GRM7: variants seen among roughly 807,000 people sequenced by gnomAD.
The protein encoded by GRM7 is glutamate metabotropic receptor 7.
Under a neutral mutation model 84.5 loss-of-function variants are expected in GRM7, and 35 were observed. That is an observed-to-expected ratio of 0.41 (90% CI 0.32 to 0.55). GRM7 has a LOEUF of 0.55. Ranked by LOEUF, GRM7 falls within the 20% of genes least tolerant of loss-of-function variation. The pLI is 0.19. For missense variants in GRM7, 1,003 were observed against 1,194.6 expected (o/e 0.84, Z 2.36); for synonymous variants, 487 against 455.1 (o/e 1.07, Z -0.89).
At chr3:7,170,291 C>G (rs1352037762) in intron 2 of GRM7, among the ~76,000 whole-genome samples, 1 of 152,144 alleles carries the variant, frequency 6.6e-6, no homozygotes, top group African/African-American at 2.4e-5. Context: ...ATCGTGGAGG[C>G]CAGTTTTCCA....
At chr3:7,097,537 T>C (rs138726854) in intron 1 of GRM7, among the ~76,000 whole-genome samples, 11 of 152,230 alleles carry the variant, frequency 7.2e-5, no homozygotes, top group Non-Finnish European at 1.3e-4. Context: ...CATTGAACTT[T>C]TCCACTAACA....
At chr3:7,222,352 C>T (rs1187278384) in intron 2 of GRM7, among the ~76,000 whole-genome samples, 1 of 151,972 alleles carries the variant, frequency 6.6e-6, no homozygotes, top group Non-Finnish European at 1.5e-5. Flanking sequence ...AAGGACCTGA[C>T]TCCCAACCCC....
intron 9 of GRM7, chr3:7,680,649 C>T (rs911169605): frequency 2.8e-5 from 7 of 254,274 alleles, no homozygotes; most frequent in Admixed American, 5.1e-5. Context: ...GTCAGGGAAA[C>T]TTCCATACTT....
chr3:7,176,428 A>G (rs1695153681), intron 2 of GRM7, among the ~76,000 whole-genome samples: 2 of 151,952 alleles, frequency 1.3e-5, no homozygotes, highest in African/African-American at 4.8e-5. Context: ...AAAAAAACAA[A>G]GAGCAAATAA....
chr3:7,022,409 A>G (rs1274916831), intron 1 of GRM7, among the ~76,000 whole-genome samples: 1 of 146,032 alleles, frequency 6.8e-6, no homozygotes, highest in Non-Finnish European at 1.5e-5. Context: ...ATATCTCCAT[A>G]TAGTGCCTAT....
At chr3:7,590,726 C>G (rs947323246) in intron 8 of GRM7, among the ~76,000 whole-genome samples, 8 of 152,112 alleles carry the variant, frequency 5.3e-5, no homozygotes, top group African/African-American at 1.9e-4. Context: ...ATGCTGTGTT[C>G]TTCTCACCAC....
intron 8 of GRM7, among the ~76,000 whole-genome samples, chr3:7,653,972 T>G: frequency 6.6e-6 from 1 of 152,150 alleles, no homozygotes; most frequent in Non-Finnish European, 1.5e-5. Context: ...CTTGCCCCCT[T>G]CCTTAAATCA....
chr3:7,667,764 T>G (rs1699759909), intron 8 of GRM7, among the ~76,000 whole-genome samples: 1 of 152,048 alleles, frequency 6.6e-6, no homozygotes, highest in Admixed American at 6.6e-5. Flanking sequence ...TTAAAAATAT[T>G]TATTGATAAT....
intron 9 of GRM7, among the ~76,000 whole-genome samples, chr3:7,700,024 G>T (rs1031405519): frequency 6.6e-6 from 1 of 152,120 alleles, no homozygotes; most frequent in Non-Finnish European, 1.5e-5. Context: ...ACAAGCTAAC[G>T]TCCCAGGATG....
At chr3:7,660,087 A>C (rs1223230915) in intron 8 of GRM7, among the ~76,000 whole-genome samples, 1 of 152,268 alleles carries the variant, frequency 6.6e-6, no homozygotes, top group Non-Finnish European at 1.5e-5. Flanking sequence ...GCAAAGTATT[A>C]AATAAAACCT....
chr3:7,162,450 G>A (rs1694654891), intron 2 of GRM7, among the ~76,000 whole-genome samples: 1 of 152,054 alleles, frequency 6.6e-6, no homozygotes, highest in African/African-American at 2.4e-5. Flanking sequence ...AAGGTCCAGT[G>A]AGGCCTGAGA....
chr3:7,317,861 T>A (rs574103712), intron 4 of GRM7, among the ~76,000 whole-genome samples: 1 of 152,094 alleles, frequency 6.6e-6, no homozygotes, highest in African/African-American at 2.4e-5. Flanking sequence ...ACAGGCTTCT[T>A]GAAGTTATGG....
intron 1 of GRM7, among the ~76,000 whole-genome samples, chr3:6,982,298 G>C (rs1367272685): frequency 6.6e-6 from 1 of 152,104 alleles, no homozygotes; most frequent in Non-Finnish European, 1.5e-5. Flanking sequence ...ACTACAAGAG[G>C]GAGAAGGGTA....
rs114290871 is a variant in GRM7 at position 7,336,734 on chromosome 3, G to A, written c.1033+30082G>A. 4.4e-4 allele frequency among the ~76,000 whole-genome samples: 66 copies of A among 151,494 alleles called. No individual in the cohort carries two copies. The South Asian group carries it at 9.4e-3, about 22-fold the overall frequency. ...ATCAATGTACACAAATCAGTAGTAC[G>A]GCTATACACCAAGAGCGACCAAGCT... On this transcript the variant is annotated intron_variant, in intron 4 of 9. Transcript: ENST00000357716.
At chr3:6,867,808 C>T (rs1694986680) in intron 1 of GRM7, among the ~76,000 whole-genome samples, 2 of 152,048 alleles carry the variant, frequency 1.3e-5, no homozygotes. Flanking sequence ...AAAATCAAAA[C>T]AATAAAACCT....
intron 8 of GRM7, among the ~76,000 whole-genome samples, chr3:7,604,415 C>A (rs1416322280): frequency 1.3e-5 from 2 of 152,164 alleles, no homozygotes; most frequent in African/African-American, 4.8e-5. Flanking sequence ...GCCAGGAGGC[C>A]AAGCCCAACA....
chr3:6,871,899 G>T (rs771083314), intron 1 of GRM7, among the ~76,000 whole-genome samples: 19 of 152,016 alleles, frequency 1.2e-4, no homozygotes, highest in Admixed American at 4.6e-4. Flanking sequence ...ATTAAGTTCA[G>T]TAGAGTTGGC....
chr3:7,381,161 T>C (rs565507893), intron 4 of GRM7, among the ~76,000 whole-genome samples: 94 of 151,902 alleles, frequency 6.2e-4, no homozygotes, highest in Non-Finnish European at 9.6e-4. Context: ...TATTATTTAG[T>C]TAGTTTTTTT....
intron 1 of GRM7, among the ~76,000 whole-genome samples, chr3:7,025,099 A>G (rs1360845580): frequency 6.6e-6 from 1 of 152,086 alleles, no homozygotes; most frequent in African/African-American, 2.4e-5. Context: ...CCAGCAATGG[A>G]TGGTTCATTC....
Sources: allele counts gnomAD v4.1 joint callset (sites outside exome capture counted in the v4.1 genomes callset), GRCh38; gene constraint gnomAD v4.1.1; transcripts MANE v1.5; gene names NCBI Gene and HGNC (gene_info 2026-07-23, HGNC 2026-07-21).